Variants in MMP26 observed in about 807,000 individuals in gnomAD.
MMP26 encodes the protein matrix metalloproteinase-26.
Under a neutral mutation model 31.0 loss-of-function variants are expected in MMP26, and 33 were observed. That is an observed-to-expected ratio of 1.06 (90% CI 0.81 to 1.42). The LOEUF (loss-of-function observed/expected upper bound fraction) is 1.42. Among genes scored for constraint, MMP26 ranks in the 40% most tolerant of loss-of-function variants. The pLI, the probability that MMP26 is intolerant of heterozygous loss-of-function variation, is 0.00. For synonymous variants in MMP26, 122 were observed against 114.9 expected (o/e 1.06, Z -0.40); for missense variants, 347 against 316.1 (o/e 1.10, Z -0.74).
intron 2 of MMP26, among the ~76,000 whole-genome samples, chr11:4,878,518 A>G (rs773552929): frequency 2.0e-5 from 3 of 152,154 alleles, no homozygotes; most frequent in Admixed American, 6.6e-5. Context: ...TTTAGATCTC[A>G]ACCTCAGCCT....
chr11:4,973,469 G>C (rs918747684), intron 2 of MMP26: 1 of 152,524 alleles, frequency 6.6e-6, no homozygotes. Context: ...TCTGGCACTG[G>C]TGAGGATGGA....
chr11:4,943,610 C>T (rs112030333), intron 2 of MMP26: 7,062 of 385,512 alleles, frequency 0.018, 93 homozygotes, highest in Middle Eastern at 0.044. Flanking sequence ...GTCAGTGACA[C>T]ACCCACACCC....
At chr11:4,850,146 C>T (rs1849955366) in intron 2 of MMP26, among the ~76,000 whole-genome samples, 1 of 151,996 alleles carries the variant, frequency 6.6e-6, no homozygotes, top group Non-Finnish European at 1.5e-5. Flanking sequence ...TCTTTATTTT[C>T]CTAAGTGGTC....
intron 2 of MMP26, among the ~76,000 whole-genome samples, chr11:4,836,519 C>T (rs190623692): frequency 6.6e-6 from 1 of 151,242 alleles, no homozygotes; most frequent in African/African-American, 2.4e-5. Flanking sequence ...GTGATTCTGC[C>T]ATTAGTAAAT....
At chr11:4,785,925 G>A (rs1034700756) in intron 2 of MMP26, among the ~76,000 whole-genome samples, 7 of 152,134 alleles carry the variant, frequency 4.6e-5, no homozygotes, top group African/African-American at 1.4e-4. Context: ...TATTGGGGAG[G>A]CACTAGGGTT....
intron 2 of MMP26, among the ~76,000 whole-genome samples, chr11:4,867,314 C>G (rs1292824495): frequency 6.6e-6 from 1 of 151,116 alleles, no homozygotes; most frequent in East Asian, 1.9e-4. Context: ...GTACATGTGA[C>G]CAACAAACAT....
chr11:4,823,545 A>G (rs1248034304), intron 2 of MMP26, among the ~76,000 whole-genome samples: 1 of 152,102 alleles, frequency 6.6e-6, no homozygotes, highest in African/African-American at 2.4e-5. Flanking sequence ...CAGTCTATTC[A>G]TGAACTAAGC....
At chr11:4,866,498 G>A (rs895003746) in intron 2 of MMP26, among the ~76,000 whole-genome samples, 1 of 152,070 alleles carries the variant, frequency 6.6e-6, no homozygotes, top group Non-Finnish European at 1.5e-5. Flanking sequence ...CATGAAAATG[G>A]TCATACTGTC....
chr11:4,910,510 CTATT>C (rs1333519765), intron 2 of MMP26, among the ~76,000 whole-genome samples: 2 of 152,042 alleles, frequency 1.3e-5, no homozygotes, highest in Admixed American at 6.6e-5. Flanking sequence ...TTCTCTTTAT[CTATT>C]TATTTCTTTA....
chr11:4,944,979 T>C (rs1417896451), intron 2 of MMP26: 4 of 152,140 alleles, frequency 2.6e-5, no homozygotes, highest in Admixed American at 1.3e-4. Flanking sequence ...AGAAGTGTCC[T>C]AGACATTAGG....
intron 1 of MMP26, among the ~76,000 whole-genome samples, chr11:4,740,197 T>A (rs1465165949): frequency 5.3e-5 from 8 of 152,094 alleles, no homozygotes; most frequent in African/African-American, 1.9e-4. Context: ...CATCAGATAA[T>A]TTTAGAAGAA....
At chr11:4,705,315 C>T (rs1847760751) in intron 1 of MMP26, among the ~76,000 whole-genome samples, 1 of 152,124 alleles carries the variant, frequency 6.6e-6, no homozygotes, top group African/African-American at 2.4e-5. Context: ...GAGAGCATGG[C>T]GTTTGGAGTA....
chr11:4,819,406 A>G (rs1015153546), intron 2 of MMP26, among the ~76,000 whole-genome samples: 4 of 151,974 alleles, frequency 2.6e-5, no homozygotes, highest in African/African-American at 9.7e-5. Context: ...GAGGGGGGAA[A>G]GAAACAAGAA....
chr11:4,762,210 A>G lies in MMP26; in HGVS notation c.-216-5060A>G, dbSNP rs1848576834. ...ATTAATTTATTCACCTCTCTTGAAG[A>G]TCCATTTCATAGTATAGAAAAGAGA... On this transcript the variant is annotated intron_variant, in intron 1 of 7. Transcript: ENST00000380390. Among the ~76,000 whole-genome samples the G allele has an allele frequency of 1.3e-5, 2 of 152,206 alleles. 1 individual carries two copies. The highest frequency in any genetic ancestry group is 4.1e-4 in the South Asian group (2 of 4,830).
chr11:4,808,897 G>A (rs142915544), intron 2 of MMP26, among the ~76,000 whole-genome samples: 25 of 150,112 alleles, frequency 1.7e-4, no homozygotes, highest in East Asian at 1.6e-3. Context: ...ATCTAGTGCC[G>A]TCACTGTCAG....
intron 2 of MMP26, chr11:4,915,628 G>A (rs143599659): frequency 6.6e-5 from 107 of 1,611,700 alleles, no homozygotes; most frequent in South Asian, 5.2e-4. Context: ...TAGCAGAAAC[G>A]CTGCTGCTGC....
At chr11:4,886,733 T>TTTTTTTTTTTTTTTGAGACGGAGTCTC (rs1554888928) in intron 2 of MMP26, among the ~76,000 whole-genome samples, 1 of 151,044 alleles carries the variant, frequency 6.6e-6, no homozygotes, top group Non-Finnish European at 1.5e-5. Context: ...ACTTTATTTT[T>TTTTTTTTTTTTTTTGAGACGGAGTCTC]GACAGACAGC....
chr11:4,882,859 G>C, intron 2 of MMP26: 1 of 1,612,882 alleles, frequency 6.2e-7, no homozygotes, highest in Non-Finnish European at 8.5e-7. Context: ...TTAATGTGAG[G>C]GGTCTTAGGG....
chr11:4,918,357 CT>C (rs895599067), intron 2 of MMP26, among the ~76,000 whole-genome samples: 4 of 152,062 alleles, frequency 2.6e-5, no homozygotes, highest in African/African-American at 9.7e-5. Flanking sequence ...TGGATCACAT[CT>C]TTTTTTCCTA....
Sources: gnomAD v4.1 joint callset for allele counts (sites outside exome capture counted in the v4.1 genomes callset) on GRCh38, gnomAD v4.1.1 for gene constraint, MANE v1.5 for transcripts, NCBI Gene and HGNC (gene_info 2026-07-23, HGNC 2026-07-21) for gene names.